The following TBC1D5 variants were observed in gnomAD, a reference collection of about 807,000 sequenced individuals.
TBC1D5 encodes TBC1 domain family member 5.
A neutral mutation model predicts 100.3 loss-of-function variants in TBC1D5; 75 were observed. The ratio of observed to expected loss-of-function variants is 0.75; its 90% CI spans 0.62 to 0.91. The LOEUF (loss-of-function observed/expected upper bound fraction) is 0.91. TBC1D5 is among the 40% of genes least tolerant of loss of function. The pLI is 0.00. For missense variants in TBC1D5, 910 were observed against 942.4 expected (o/e 0.97, Z 0.45); for synonymous variants, 323 against 325.6 (o/e 0.99, Z 0.09).
intron 2 of TBC1D5, among the ~76,000 whole-genome samples, chr3:17,560,666 T>G (rs1164297547): frequency 2.6e-5 from 4 of 151,540 alleles, no homozygotes; most frequent in Non-Finnish European, 4.4e-5. Flanking sequence ...CTCACACCTG[T>G]AATCCCAGCA....
At chr3:17,370,910 A>G (rs1313900153) in intron 13 of TBC1D5, among the ~76,000 whole-genome samples, 1 of 152,208 alleles carries the variant, frequency 6.6e-6, no homozygotes, top group East Asian at 1.9e-4. Flanking sequence ...CAAGCTTTAC[A>G]TAAAGTATCT....
At chr3:17,450,330 C>A (rs766519573) in intron 3 of TBC1D5, among the ~76,000 whole-genome samples, 7 of 152,132 alleles carry the variant, frequency 4.6e-5, no homozygotes, top group Non-Finnish European at 8.8e-5. Context: ...CTCTTCTCCT[C>A]CAAAGGATCA....
intron 20 of TBC1D5, 91 bp from the exon 22 acceptor site, chr3:17,167,019 T>A: frequency 8.5e-7 from 1 of 1,179,442 alleles, no homozygotes; most frequent in Non-Finnish European, 1.1e-6. Context: ...GAACTAGCCT[T>A]GTCATCAATC....
chr3:17,699,010 A>C (rs1176253542), intron 1 of TBC1D5, among the ~76,000 whole-genome samples: 1 of 151,422 alleles, frequency 6.6e-6, no homozygotes, highest in Non-Finnish European at 1.5e-5. Flanking sequence ...CTAGAACTCG[A>C]AATACCATTT....
intron 2 of TBC1D5, among the ~76,000 whole-genome samples, chr3:17,550,551 A>C (rs74626500): frequency 0.051 from 7,627 of 150,418 alleles, 306 homozygotes; most frequent in African/African-American, 0.11. Context: ...ACAACAACAA[A>C]AAAAAAAAAC....
At chr3:17,447,455 A>G (rs1020539047) in intron 3 of TBC1D5, among the ~76,000 whole-genome samples, 1 of 152,224 alleles carries the variant, frequency 6.6e-6, no homozygotes, top group African/African-American at 2.4e-5. Flanking sequence ...TCTAGGCCAC[A>G]GGTAGAAGAA....
rs183455823 is a variant in TBC1D5 at position 17,728,516 on chromosome 3, T to G, written c.-101+10827A>C. Reference sequence around the variant, plus strand: ...ACTAAGAGCTACAGGAACTTGTTACTGATACATATAGAGACAAACGGCTCA... The same window carrying G: ...ACTAAGAGCTACAGGAACTTGTTACGGATACATATAGAGACAAACGGCTCA... On this transcript the variant is annotated intron_variant, in intron 1 of 21. Transcript: ENST00000253692. Among the ~76,000 whole-genome samples the G allele has an allele frequency of 1.0e-3, 155 of 152,294 alleles. 2 individuals carry two copies. In the South Asian group the frequency reaches 0.018, roughly 18 times the overall value.
intron 15 of TBC1D5, among the ~76,000 whole-genome samples, chr3:17,276,764 T>C (rs906379139): frequency 6.6e-6 from 1 of 152,230 alleles, no homozygotes; most frequent in Non-Finnish European, 1.5e-5. Flanking sequence ...ATGGCTCTAC[T>C]ATGTTTTCTA....
At chr3:17,407,796 G>A (rs2093812597) in intron 4 of TBC1D5, among the ~76,000 whole-genome samples, 1 of 152,058 alleles carries the variant, frequency 6.6e-6, no homozygotes, top group Non-Finnish European at 1.5e-5. Context: ...TGCCAATAGT[G>A]GTTTCTGGCT....
chr3:17,372,284 A>T, intron 12 of TBC1D5, 37 bp from the exon 13 acceptor site: 1 of 1,521,536 alleles, frequency 6.6e-7, no homozygotes, highest in Non-Finnish European at 8.9e-7. Context: ...TTATTTAAAT[A>T]TGAAATTAAT....
intron 3 of TBC1D5, among the ~76,000 whole-genome samples, chr3:17,457,137 G>C (rs2095106230): frequency 6.6e-6 from 1 of 151,916 alleles, no homozygotes. Context: ...GTTTTTATTA[G>C]TGTGAATGAT....
At chr3:17,212,856 A>C (rs955721402) in intron 18 of TBC1D5, among the ~76,000 whole-genome samples, 9 of 152,226 alleles carry the variant, frequency 5.9e-5, no homozygotes, top group Admixed American at 4.6e-4. Context: ...AAAATTAAAA[A>C]AATAAAAGTT....
chr3:17,529,062 A>T (rs1399921371), intron 2 of TBC1D5, among the ~76,000 whole-genome samples: 2 of 152,182 alleles, frequency 1.3e-5, no homozygotes, highest in Admixed American at 6.5e-5. Flanking sequence ...TCCTCAATAA[A>T]GATCACTGCA....
At chr3:17,584,506 G>A (rs563379510) in intron 2 of TBC1D5, among the ~76,000 whole-genome samples, 1 of 152,234 alleles carries the variant, frequency 6.6e-6, no homozygotes, top group African/African-American at 2.4e-5. Context: ...TAGGATGGGG[G>A]AACGTATATG....
chr3:17,260,276 C>A (rs571219739), intron 15 of TBC1D5, among the ~76,000 whole-genome samples: 112 of 152,290 alleles, frequency 7.4e-4, no homozygotes, highest in Admixed American at 2.4e-3. Context: ...TGACTTCCAA[C>A]AAACTACTAA....
chr3:17,374,784 G>A (rs962724143), intron 10 of TBC1D5, 105 bp from the exon 11 acceptor site: 15 of 1,097,496 alleles, frequency 1.4e-5, no homozygotes, highest in South Asian at 9.2e-5. Context: ...ATATGCAAAC[G>A]AAAAAAATTA....
chr3:17,706,422 T>TAGACACAC (rs113465892), intron 1 of TBC1D5, among the ~76,000 whole-genome samples: 2 of 151,304 alleles, frequency 1.3e-5, no homozygotes, highest in African/African-American at 4.9e-5. Context: ...CAACTTTACT[T>TAGACACAC]ACACACACAC....
intron 8 of TBC1D5, among the ~76,000 whole-genome samples, chr3:17,388,078 A>G (rs2093225434): frequency 6.6e-6 from 1 of 152,128 alleles, no homozygotes; most frequent in Non-Finnish European, 1.5e-5. Flanking sequence ...GCAAAGATTA[A>G]GTAGTCCATA....
intron 13 of TBC1D5, among the ~76,000 whole-genome samples, chr3:17,348,464 G>T (rs910787094): frequency 1.3e-5 from 2 of 152,030 alleles, no homozygotes; most frequent in South Asian, 4.1e-4. Flanking sequence ...CAGTGTTGCT[G>T]GTCCTCGCAC....
Sources: allele counts gnomAD v4.1 joint callset (sites outside exome capture counted in the v4.1 genomes callset), GRCh38; gene constraint gnomAD v4.1.1; transcripts MANE v1.5; gene names NCBI Gene and HGNC (gene_info 2026-07-23, HGNC 2026-07-21).